The following RTBDN variants were observed in gnomAD, a reference collection of about 807,000 sequenced individuals.
The protein encoded by RTBDN is retbindin.
RTBDN carries 24 observed loss-of-function variants against 21.9 expected under a neutral mutation model. That is an observed-to-expected ratio of 1.10 (90% CI 0.79 to 1.54). The LOEUF (loss-of-function observed/expected upper bound fraction) is 1.54. Ranked by LOEUF, RTBDN falls within the 40% of genes most tolerant of loss-of-function variation. The probability of loss-of-function intolerance (pLI) is 0.00; values close to 1 mark genes in which losing one functional copy is unlikely to be tolerated. For missense variants in RTBDN, 325 were observed against 315.2 expected (o/e 1.03, Z -0.23); for synonymous variants, 141 against 125.9 (o/e 1.12, Z -0.80).
intron 5 of RTBDN, chr19:12,826,328 G>C: frequency 1.6e-6 from 2 of 1,225,288 alleles, no homozygotes; most frequent in Non-Finnish European, 2.1e-6. Context: ...TAGGAGGTTG[G>C]GCTAGGGAAG....
At position 12,825,643 on chromosome 19, in the gene RTBDN, TG is replaced by T; in HGVS notation, c.*62del. On this transcript the variant is annotated 3_prime_UTR_variant, in exon 6 of 6. Transcript: ENST00000674343. ...GCCGAGAGGACGAGGGGTGGGGTTC[TG>T]GGTGTCCTGAGGGGCGGGGCTGGGG... 1 of 1,435,020 alleles carries T rather than the reference TG, an allele frequency of 7.0e-7. No homozygotes were observed. The allele number at this position is 1,435,020 out of a possible 1,614,324, so 88.9% of individuals were successfully genotyped here.
chr19:12,834,939 C>T (rs1331184611), upstream of RTBDN: 1 of 1,536,590 alleles, frequency 6.5e-7, no homozygotes, highest in African/African-American at 1.4e-5. The surrounding 1 kb of genome is among the most constrained non-coding windows in gnomAD (Gnocchi z 4.7). Flanking sequence ...CCCCAAGGCC[C>T]TGCCTGGGGT....
intron 5 of RTBDN, chr19:12,826,271 G>T: frequency 8.0e-7 from 1 of 1,245,044 alleles, no homozygotes; most frequent in Non-Finnish European, 1.0e-6. Flanking sequence ...CTTGGGAAGG[G>T]CAAATCTGGA....
In RTBDN at chr19:12,825,780, A is replaced by G. The variant is rs755881349; in HGVS notation, c.616T>C (p.Ser206Pro). The G allele has an allele frequency of 5.0e-6, 8 of 1,610,482 alleles. No individual in the cohort carries two copies. Among genetic ancestry groups the G allele is most frequent in the Non-Finnish European group, 6.8e-6 (8 of 1,177,936 alleles). ...AGGATGGAGGTGCGAGGGCTGCGGG[A>G]ACGCCGGGAGGGAGCTTCCCGGCCC... is the stretch of plus-strand genomic sequence containing the variant. ...RRGREAPSRR[S>P]RSPRTSILDA... Residue 206 changes from serine (S) to proline (P), a missense_variant, in exon 6 of 6, where the codon TCC becomes CCC. Ser to Pro is a moderately conservative substitution (Grantham distance 74, BLOSUM62 -1). Coordinates refer to ENST00000674343, the MANE Select transcript of RTBDN (RefSeq NM_001270441.2).
At chr19:12,833,313 G>A (rs1248150280) in intron 1 of RTBDN, among the ~76,000 whole-genome samples, 3 of 151,824 alleles carry the variant, frequency 2.0e-5, no homozygotes, top group Non-Finnish European at 2.9e-5. Context: ...TTCCCACAGA[G>A]GATATGGCTT....
In RTBDN at chr19:12,830,147, C is replaced by G; in HGVS notation, c.-18-150G>C. ...GCAGTGGCCAAGGACGTTCAAATCC[C>G]AGGAGACCATCAGGGCCTGCCTCCA... On this transcript the variant is annotated intron_variant, in intron 1 of 5. Transcript: ENST00000674343. The surrounding 1 kb of genome is among the most constrained non-coding windows in gnomAD (Gnocchi z 4.2). 7.9e-7 allele frequency: 1 copy of G among 1,271,386 alleles called. No homozygotes were observed. Among genetic ancestry groups the G allele is most frequent in the Non-Finnish European group, 1.0e-6 (1 of 954,270 alleles). The allele number at this position is 1,271,386 out of a possible 1,614,324, so 78.8% of individuals were successfully genotyped here.
Position 12,829,886 on chromosome 19 carries a change from G to A in RTBDN, c.94C>T (p.Arg32Cys), listed in dbSNP as rs144005673. 8.1e-6 allele frequency: 13 copies of A among 1,613,996 alleles called. No homozygotes were observed. Among genetic ancestry groups the A allele is most frequent in the African/African-American group, 4.0e-5 (3 of 74,894 alleles). The change falls in exon 2 of 6, where the codon CGC becomes TGC. Residue 32 changes from arginine (R) to cysteine (C), a missense_variant. By Grantham distance (180) the Arg-to-Cys change is radical. Coordinates refer to ENST00000674343, the MANE Select transcript of RTBDN (RefSeq NM_001270441.2). ...WILLEACGGS[R>C]PLQARSQQHH... is the part of the protein sequence containing the mutation. ...TGCTGGGACCTGGCTTGGAGTGGGCGGCTCCCTCCACAGGCTTCTAGCAGG... is the reference window on the plus strand; with the variant it reads ...TGCTGGGACCTGGCTTGGAGTGGGCAGCTCCCTCCACAGGCTTCTAGCAGG...
Position 12,826,151 on chromosome 19 carries a change from T to C in RTBDN, c.463-218A>G, listed in dbSNP as rs543092966. ...GCGGGATGAATCAGGGTTGGGGCAG[T>C]TGGGGGGCGCGCAGAGAGGTCTGTA... On this transcript the variant is annotated intron_variant, in intron 5 of 5. Coordinates refer to ENST00000674343, the MANE Select transcript of RTBDN (RefSeq NM_001270441.2). The C allele has an allele frequency of 5.8e-4, 798 of 1,366,708 alleles. 11 individuals are homozygous for C. In the South Asian group the frequency reaches 0.013, roughly 22 times the overall value. 84.7% of individuals were successfully genotyped at this position (1,366,708 alleles called of 1,614,324 possible).
At position 12,834,381 on chromosome 19, in the gene RTBDN, G is replaced by A; in HGVS notation, c.-19+108C>T. The A allele has an allele frequency of 1.2e-6, 1 of 824,616 alleles. No homozygotes were observed. Among genetic ancestry groups the A allele is most frequent in the Non-Finnish European group, 1.9e-6 (1 of 515,380 alleles). 51.1% of individuals were successfully genotyped at this position (824,616 alleles called of 1,614,324 possible). ...TTGCCCTAGGGCTCATGCCCCTCGG[G>A]GCCATCGGCGCCGCTGGAGGCGTAA... On this transcript the variant is annotated intron_variant, in intron 1 of 5. Coordinates refer to ENST00000674343, the MANE Select transcript of RTBDN (RefSeq NM_001270441.2). This position sits in a 1 kb window ranked among gnomAD's most constrained non-coding sequence, Gnocchi z 4.7.
upstream of RTBDN, chr19:12,834,633 A>G (rs1599569750): frequency 6.6e-6 from 10 of 1,505,578 alleles, no homozygotes; most frequent in Non-Finnish European, 8.9e-6. This position sits in a 1 kb window ranked among gnomAD's most constrained non-coding sequence, Gnocchi z 4.7. Flanking sequence ...GGTGGGCGGG[A>G]GCGATTTTTA....
Position 12,825,736 on chromosome 19 carries a change from C to A in RTBDN, c.660G>T (p.Gly220=). 1 of 1,593,600 alleles carries A rather than the reference C, an allele frequency of 6.3e-7. No homozygotes were observed. Reference sequence around the variant, plus strand: ...GGCCGCTGCCGCTTCCACTGCCACTCCCGCTGCCCGCAGCGTCCAGGATGG... The same window carrying A: ...GGCCGCTGCCGCTTCCACTGCCACTACCGCTGCCCGCAGCGTCCAGGATGG... ...RTSILDAAGS[G]SGSGSGSGP The change falls in exon 6 of 6, where the codon GGG becomes GGT. Residue 220 remains glycine, a synonymous_variant. Coordinates refer to ENST00000674343, the MANE Select transcript of RTBDN (RefSeq NM_001270441.2).
At chr19:12,834,822 C>T (rs777204537), upstream of RTBDN, 70 of 1,614,098 alleles carry the variant, frequency 4.3e-5, no homozygotes, top group Non-Finnish European at 5.7e-5. This position sits in a 1 kb window ranked among gnomAD's most constrained non-coding sequence, Gnocchi z 4.7. Flanking sequence ...CGAGAAGCGT[C>T]CTCTGCTCGT....
chr19:12,835,232 T>A, upstream of RTBDN: 1 of 836,870 alleles, frequency 1.2e-6, no homozygotes, highest in Admixed American at 2.1e-5. Flanking sequence ...GAGCCAGACA[T>A]GAGTTGGAAA....
At position 12,834,378 on chromosome 19, in the gene RTBDN, C is replaced by G. The variant is rs1485637374; in HGVS notation, c.-19+111G>C. On this transcript the variant is annotated intron_variant, in intron 1 of 5. Coordinates refer to ENST00000674343, the MANE Select transcript of RTBDN (RefSeq NM_001270441.2). The surrounding 1 kb of genome is among the most constrained non-coding windows in gnomAD (Gnocchi z 4.7). ...TTATTGCCCTAGGGCTCATGCCCCT[C>G]GGGGCCATCGGCGCCGCTGGAGGCG... is the stretch of plus-strand genomic sequence containing the variant. 5 of 804,602 alleles carry G rather than the reference C, an allele frequency of 6.2e-6. No individual in the cohort carries two copies. In the African/African-American group the frequency reaches 6.8e-5, roughly 11 times the overall value. The allele number at this position is 804,602 out of a possible 1,614,324, so 49.8% of individuals were successfully genotyped here.
In RTBDN at chr19:12,834,205, C is replaced by T. The variant is rs2145870477; in HGVS notation, c.-19+284G>A. On this transcript the variant is annotated intron_variant, in intron 1 of 5. Coordinates refer to ENST00000674343, the MANE Select transcript of RTBDN (RefSeq NM_001270441.2). This position sits in a 1 kb window ranked among gnomAD's most constrained non-coding sequence, Gnocchi z 4.7. ...CGCCCCTCAGGCGCCGCCCGGCGAT[C>T]CAGGGAGCTGCCGGAGGGGTGCAGC... is the stretch of plus-strand genomic sequence containing the variant. 6.6e-6 allele frequency among the ~76,000 whole-genome samples: 1 copy of T among 152,262 alleles called. No homozygotes were observed. Among genetic ancestry groups the T allele is most frequent in the African/African-American group, 2.4e-5 (1 of 41,572 alleles).
Position 12,830,522 on chromosome 19 carries a change from A to G in RTBDN, c.-18-525T>C. 1.0e-6 allele frequency: 1 copy of G among 984,434 alleles called. No homozygotes were observed. The highest frequency in any genetic ancestry group is 1.2e-6 in the Non-Finnish European group (1 of 828,972). 61.0% of individuals were successfully genotyped at this position (984,434 alleles called of 1,614,324 possible). ...GGTGTGGCAGGGCTCAGGTTCTGTC[A>G]CTGGGGCCCAAAGCCCCGAGGCAGG... On this transcript the variant is annotated intron_variant, in intron 1 of 5. Coordinates refer to ENST00000674343, the MANE Select transcript of RTBDN (RefSeq NM_001270441.2). This position sits in a 1 kb window ranked among gnomAD's most constrained non-coding sequence, Gnocchi z 4.2.
At position 12,829,856 on chromosome 19, in the gene RTBDN, G is replaced by A. The variant is rs1969493481; in HGVS notation, c.124C>T (p.His42Tyr). The change falls in exon 2 of 6, where the codon CAT (histidine) becomes TAT (tyrosine). Residue 42 changes from histidine (H) to tyrosine (Y), a missense_variant. His to Tyr is a moderately conservative substitution (Grantham distance 83, BLOSUM62 2). Transcript: ENST00000674343. ...RPLQARSQQH[H>Y]GLAADLGKGK... Reference sequence around the variant, plus strand: ...TTGCCCAGATCAGCTGCCAGCCCATGGTGTTGCTGGGACCTGGCTTGGAGT... The same window carrying A: ...TTGCCCAGATCAGCTGCCAGCCCATAGTGTTGCTGGGACCTGGCTTGGAGT... 1 of 1,613,972 alleles carries A rather than the reference G, an allele frequency of 6.2e-7. No individual in the cohort carries two copies. The highest frequency in any genetic ancestry group is 8.5e-7 in the Non-Finnish European group (1 of 1,179,926).
In RTBDN at chr19:12,828,268, C is replaced by T. The variant is rs533624595; in HGVS notation, c.365+389G>A. On this transcript the variant is annotated intron_variant, in intron 4 of 5. Coordinates refer to ENST00000674343, the MANE Select transcript of RTBDN (RefSeq NM_001270441.2). ...AAAATTAGCCGGGCATGGTGGTGTGCGCCTGTAACCACAGCTACTCAGGAG... is the reference window on the plus strand; with the variant it reads ...AAAATTAGCCGGGCATGGTGGTGTGTGCCTGTAACCACAGCTACTCAGGAG... Among the ~76,000 whole-genome samples, 5 of 151,542 alleles carry T rather than the reference C, an allele frequency of 3.3e-5. 1 individual carries two copies. The highest frequency in any genetic ancestry group is 9.7e-5 in the African/African-American group (4 of 41,292).
In RTBDN at chr19:12,834,524, T is replaced by C. The variant is rs568098348; in HGVS notation, c.-54A>G. ...ATCAGGATTCTTCCTACTGCCCTAATTGGACAGGCACCTAGACAGCTTTCT... is the reference window on the plus strand; with the variant it reads ...ATCAGGATTCTTCCTACTGCCCTAACTGGACAGGCACCTAGACAGCTTTCT... On this transcript the variant is annotated 5_prime_UTR_variant, in exon 1 of 6. Transcript: ENST00000674343. The surrounding 1 kb of genome is among the most constrained non-coding windows in gnomAD (Gnocchi z 4.7). 3.3e-6 allele frequency: 5 copies of C among 1,535,558 alleles called. No homozygotes were observed. The East Asian group carries it at 9.8e-5, about 30-fold the overall frequency.
Sources: allele counts gnomAD v4.1 joint callset (sites outside exome capture counted in the v4.1 genomes callset), GRCh38; gene constraint gnomAD v4.1.1; non-coding constraint Gnocchi (gnomAD v3.1); transcripts MANE v1.5; gene names NCBI Gene and HGNC (gene_info 2026-07-23, HGNC 2026-07-21).